RUNDC3B: variants seen among roughly 807,000 people sequenced by gnomAD.
RUNDC3B encodes the protein RUN domain containing 3B, also known as RUN domain-containing protein 3B.
A neutral mutation model predicts 58.4 loss-of-function variants in RUNDC3B; 33 were observed. The ratio of observed to expected loss-of-function variants is 0.56; its 90% confidence interval spans 0.43 to 0.75. The LOEUF is 0.75. Among genes scored for constraint, RUNDC3B ranks in the 30% least tolerant of loss-of-function variants. RUNDC3B has a pLI of 0.00. For missense variants in RUNDC3B, 501 were observed against 535.7 expected (o/e 0.94, Z 0.64); for synonymous variants, 193 against 195.2 (o/e 0.99, Z 0.10).
chr7:87,728,386 G>C (rs1432594507), intron 4 of RUNDC3B, among the ~76,000 whole-genome samples: 1 of 152,160 alleles, frequency 6.6e-6, no homozygotes, highest in East Asian at 1.9e-4. Flanking sequence ...ATTGTTACCT[G>C]TAACAAACTA....
intron 10 of RUNDC3B, among the ~76,000 whole-genome samples, chr7:87,824,541 A>C (rs1837691037): frequency 1.3e-5 from 2 of 152,168 alleles, no homozygotes; most frequent in Non-Finnish European, 2.9e-5. Context: ...GTAAATTGGT[A>C]CCAGTAGAGT....
intron 8 of RUNDC3B, among the ~76,000 whole-genome samples, chr7:87,806,606 T>A (rs1462090330): frequency 6.6e-6 from 1 of 152,174 alleles, no homozygotes; most frequent in East Asian, 1.9e-4. Context: ...GATCAGTTGG[T>A]TTTTGAAGTC....
chr7:87,743,197 A>G (rs545109241), intron 6 of RUNDC3B, among the ~76,000 whole-genome samples: 1 of 152,180 alleles, frequency 6.6e-6, no homozygotes, highest in Admixed American at 6.5e-5. Flanking sequence ...TGTATAACAC[A>G]GTTTCTTTAT....
chr7:87,643,664 G>A (rs1007585915), intron 1 of RUNDC3B, among the ~76,000 whole-genome samples: 8 of 151,496 alleles, frequency 5.3e-5, no homozygotes, highest in African/African-American at 1.9e-4. Context: ...GGGACTGCAG[G>A]TGCATGCCGC....
intron 6 of RUNDC3B, among the ~76,000 whole-genome samples, chr7:87,748,439 C>T (rs1832774595): frequency 6.6e-6 from 1 of 152,176 alleles, no homozygotes. Flanking sequence ...AGCTAAAATT[C>T]ACAATGCAAG....
chr7:87,745,750 A>G (rs1391458048), intron 6 of RUNDC3B, among the ~76,000 whole-genome samples: 2 of 151,720 alleles, frequency 1.3e-5, no homozygotes, highest in African/African-American at 4.9e-5. Flanking sequence ...TTTTCAAAGA[A>G]CCAGCTTTTT....
intron 1 of RUNDC3B, among the ~76,000 whole-genome samples, chr7:87,636,721 A>T (rs544100992): frequency 9.2e-5 from 14 of 152,270 alleles, no homozygotes; most frequent in African/African-American, 3.4e-4. Context: ...TTTATTTATG[A>T]TGTGAAGTAC....
At chr7:87,654,972 A>C (rs898357777) in intron 2 of RUNDC3B, among the ~76,000 whole-genome samples, 1 of 152,242 alleles carries the variant, frequency 6.6e-6, no homozygotes, top group East Asian at 1.9e-4. Context: ...ATAGATGAAA[A>C]TTAAAACCAT....
In RUNDC3B at chr7:87,674,137, C is replaced by T. The variant is rs117546457; in HGVS notation, c.238+23200C>T. 2.4e-3 allele frequency among the ~76,000 whole-genome samples: 362 copies of T among 152,308 alleles called. 14 individuals carry two copies. The East Asian group carries it at 0.061, about 26-fold the overall frequency. On this transcript the variant is annotated intron_variant, in intron 2 of 10. Coordinates refer to ENST00000394654, the MANE Select transcript of RUNDC3B (RefSeq NM_001134405.2). ...GTCACAATACTCCTATGGGTGGTAC[C>T]GGCCAAACCACTTCATCGAGGTGGT...
intron 2 of RUNDC3B, among the ~76,000 whole-genome samples, chr7:87,682,084 C>A (rs1206914805): frequency 6.6e-6 from 1 of 152,210 alleles, no homozygotes; most frequent in Non-Finnish European, 1.5e-5. Context: ...GAGTACATTC[C>A]ATTTCAAGAA....
At position 87,831,217 on chromosome 7, in the gene RUNDC3B, T is replaced by G. The variant is rs1255725162; in HGVS notation, c.*1187T>G. The G allele has an allele frequency of 6.6e-6, 1 of 151,700 alleles. No homozygotes were observed. Among genetic ancestry groups the G allele is most frequent in the Non-Finnish European group, 1.5e-5 (1 of 67,808 alleles). 9.4% of individuals were successfully genotyped at this position (151,700 alleles called of 1,614,324 possible). A position where few individuals can be genotyped will look rare whatever the true frequency, so the allele number is the denominator to read the frequency against. On this transcript the variant is annotated 3_prime_UTR_variant, in exon 11 of 11. Coordinates refer to ENST00000394654, the MANE Select transcript of RUNDC3B (RefSeq NM_001134405.2). Reference sequence around the variant, plus strand: ...AGTAAGTAATATGAGGAAAACATGATTAGCTGTGCCAAAGAAATTTTATAC... The same window carrying G: ...AGTAAGTAATATGAGGAAAACATGAGTAGCTGTGCCAAAGAAATTTTATAC...
At chr7:87,826,016 G>T (rs1356742544) in intron 10 of RUNDC3B, among the ~76,000 whole-genome samples, 1 of 152,146 alleles carries the variant, frequency 6.6e-6, no homozygotes, top group Non-Finnish European at 1.5e-5. Context: ...TTGGACTGTG[G>T]ACTTTTGAAT....
In RUNDC3B at chr7:87,796,558, C is replaced by T. The variant is rs529346399; in HGVS notation, c.957-10815C>T. On this transcript the variant is annotated intron_variant, in intron 8 of 10. Coordinates refer to ENST00000394654, the MANE Select transcript of RUNDC3B (RefSeq NM_001134405.2). ...AATGTGTGCTTGTATCAAAATGTCTCATGTACGACATAAAAACATAACATC... is the reference window on the plus strand; with the variant it reads ...AATGTGTGCTTGTATCAAAATGTCTTATGTACGACATAAAAACATAACATC... Among the ~76,000 whole-genome samples, 3 of 152,242 alleles carry T rather than the reference C, an allele frequency of 2.0e-5. No individual in the cohort carries two copies. In the South Asian group the frequency reaches 6.2e-4, roughly 32 times the overall value.
intron 3 of RUNDC3B, 134 bp downstream of exon 3, chr7:87,700,688 A>C (rs1014479258): frequency 8.0e-6 from 6 of 752,666 alleles, no homozygotes; most frequent in Non-Finnish European, 1.2e-5. Context: ...CTGTTCTGTG[A>C]TGTTTCTACA....
chr7:87,714,733 C>T (rs11972683), intron 4 of RUNDC3B, among the ~76,000 whole-genome samples: 7,340 of 152,002 alleles, frequency 0.048, 266 homozygotes, highest in East Asian at 0.091. Flanking sequence ...AAGATGAGGA[C>T]GTTTATAGCC....
chr7:87,687,438 C>T (rs1424142898), intron 2 of RUNDC3B, among the ~76,000 whole-genome samples: 1 of 152,118 alleles, frequency 6.6e-6, no homozygotes, highest in Non-Finnish European at 1.5e-5. Flanking sequence ...GACCTCTTTC[C>T]CCTGAGTTAC....
chr7:87,680,521 G>A (rs770596553), intron 2 of RUNDC3B, among the ~76,000 whole-genome samples: 1 of 150,926 alleles, frequency 6.6e-6, no homozygotes, highest in East Asian at 2.0e-4. Flanking sequence ...GGCCGGGCCC[G>A]GTGGCTCACG....
At chr7:87,783,345 G>C (rs1464825647) in intron 8 of RUNDC3B, among the ~76,000 whole-genome samples, 3 of 151,780 alleles carry the variant, frequency 2.0e-5, no homozygotes, top group African/African-American at 7.3e-5. Context: ...TTTGTTTTTA[G>C]TTTGCATGGT....
At chr7:87,786,337 T>C (rs1835214408) in intron 8 of RUNDC3B, among the ~76,000 whole-genome samples, 1 of 152,058 alleles carries the variant, frequency 6.6e-6, no homozygotes, top group Admixed American at 6.6e-5. Context: ...TTAGAAAGTT[T>C]TATTAAGGAA....
Sources: allele counts gnomAD v4.1 joint callset (sites outside exome capture counted in the v4.1 genomes callset), GRCh38; gene constraint gnomAD v4.1.1; transcripts MANE v1.5; gene names NCBI Gene and HGNC (gene_info 2026-07-23, HGNC 2026-07-21).